NRF1: variants seen among roughly 807,000 people sequenced by gnomAD.
NRF1 encodes the protein nuclear respiratory factor 1.
Under a neutral mutation model 58.5 loss-of-function variants are expected in NRF1, and 5 were observed. That is an observed-to-expected ratio of 0.09 (90% confidence interval 0.04 to 0.18). NRF1 has a LOEUF of 0.18. NRF1 is among the 10% of genes least tolerant of loss of function. The probability of loss-of-function intolerance (pLI) is 1.00; values close to 1 mark genes in which losing one functional copy is unlikely to be tolerated. For missense variants in NRF1, 288 were observed against 657.7 expected, an observed-to-expected ratio of 0.44 and a Z score of 6.15; for synonymous variants, 224 against 246.7, an observed-to-expected ratio of 0.91 and a Z score of 0.86.
chr7:129,625,605 G>A (rs1800895006), intron 1 of NRF1, among the ~76,000 whole-genome samples: 2 of 151,144 alleles, frequency 1.3e-5, no homozygotes, highest in Non-Finnish European at 2.9e-5. Context: ...GGCTCGGGCA[G>A]TCTTCCTGTG....
chr7:129,637,252 G>GAA (rs35335362), intron 1 of NRF1, among the ~76,000 whole-genome samples: 4 of 133,300 alleles, frequency 3.0e-5, no homozygotes, highest in Non-Finnish European at 6.6e-5. Flanking sequence ...AGGCTCTGCT[G>GAA]AAAAAAAAAA....
intron 6 of NRF1, among the ~76,000 whole-genome samples, chr7:129,709,840 T>C (rs1306330889): frequency 6.6e-6 from 1 of 151,534 alleles, no homozygotes; most frequent in African/African-American, 2.4e-5. Context: ...AAGCAATTCT[T>C]CTGTCTCAGC....
intron 7 of NRF1, among the ~76,000 whole-genome samples, chr7:129,711,116 A>G (rs1403018921): frequency 1.3e-5 from 2 of 152,068 alleles, no homozygotes; most frequent in African/African-American, 4.8e-5. Context: ...TTTCACTCTC[A>G]GTGATCAGGG....
intron 1 of NRF1, among the ~76,000 whole-genome samples, chr7:129,614,568 C>T (rs763928045): frequency 1.4e-4 from 21 of 151,932 alleles, no homozygotes; most frequent in Non-Finnish European, 2.4e-4. Context: ...GCACCCACCT[C>T]AGCCTCCCCA....
chr7:129,687,276 CTT>C (rs34165257), intron 4 of NRF1, among the ~76,000 whole-genome samples: 28 of 137,712 alleles, frequency 2.0e-4, no homozygotes, highest in Admixed American at 3.0e-4. Flanking sequence ...GATGCAAGTC[CTT>C]TTTTTTTTTT....
rs191894668 is a variant in NRF1 at position 129,722,379 on chromosome 7, G to A, written c.1224-4862G>A. On this transcript the variant is annotated intron_variant, in intron 9 of 10. Coordinates refer to ENST00000393232, the MANE Select transcript of NRF1 (RefSeq NM_005011.5). ...GCACTCCAGCCTGGGCCACAAGAGC[G>A]AAACTCCGTCTCAGAAAAAAAAAAA... 5.0e-3 allele frequency among the ~76,000 whole-genome samples: 751 copies of A among 149,320 alleles called. 8 individuals carry two copies. Among genetic ancestry groups the A allele is most frequent in the African/African-American group, 0.017 (705 of 40,592 alleles).
intron 8 of NRF1, among the ~76,000 whole-genome samples, chr7:129,714,877 C>G (rs752968978): frequency 2.0e-5 from 3 of 152,134 alleles, no homozygotes; most frequent in Non-Finnish European, 4.4e-5. Context: ...CAGTAACAAG[C>G]AGGCACAAGG....
At position 129,613,758 on chromosome 7, in the gene NRF1, G is replaced by A. The variant is rs189222286; in HGVS notation, c.-7+1934G>A. Among the ~76,000 whole-genome samples the A allele has an allele frequency of 7.2e-3, 1,088 of 150,780 alleles. 15 individuals carry two copies. Among genetic ancestry groups the A allele is most frequent in the African/African-American group, 0.025 (1,036 of 40,928 alleles). On this transcript the variant is annotated intron_variant, in intron 1 of 10. Transcript: ENST00000393232. ...TGTTAAAAATACAAAAATTAGCTGGGCGTGGTGGCAGGCGCCAGTAATCCC... is the reference window on the plus strand; with the variant it reads ...TGTTAAAAATACAAAAATTAGCTGGACGTGGTGGCAGGCGCCAGTAATCCC...
At chr7:129,666,836 ATTTCACATATTGGTAGATAATCAGGTTGT>A (rs781584223) in intron 2 of NRF1, among the ~76,000 whole-genome samples, 52 of 152,102 alleles carry the variant, frequency 3.4e-4, no homozygotes, top group Non-Finnish European at 5.9e-4. Flanking sequence ...CAGCCTGAAT[ATTTCACATATTGGTAGATAATCAGGTTGT>A]TTGTAATTTT....
chr7:129,696,173 G>T (rs1471163383), intron 5 of NRF1, among the ~76,000 whole-genome samples: 1 of 151,884 alleles, frequency 6.6e-6, no homozygotes, highest in Non-Finnish European at 1.5e-5. Flanking sequence ...GAACCCAGGA[G>T]GCGGAGGTTG....
intron 5 of NRF1, among the ~76,000 whole-genome samples, chr7:129,707,277 A>G (rs1802971426): frequency 6.6e-6 from 1 of 152,228 alleles, no homozygotes; most frequent in Non-Finnish European, 1.5e-5. Flanking sequence ...TATAGGCATG[A>G]GCCACTGCAC....
chr7:129,657,427 C>G lies in NRF1; in HGVS notation c.76C>G (p.Gln26Glu). 6.2e-7 allele frequency: 1 copy of G among 1,614,062 alleles called. No individual in the cohort carries two copies. Among genetic ancestry groups the G allele is most frequent in the South Asian group, 1.1e-5 (1 of 91,078 alleles). The change falls in exon 2 of 11, where the codon CAG (glutamine) becomes GAG (glutamate). Residue 26 changes from glutamine to glutamate, a missense_variant. By Grantham distance (29) the Gln-to-Glu change is conservative (BLOSUM62 2). Coordinates refer to ENST00000393232, the MANE Select transcript of NRF1 (RefSeq NM_005011.5). ...EAHAVAQQVQ[Q>E]VHVATYTEHS... ...ACATGCAGTGGCCCAGCAAGTGCAG[C>G]AGGTCCATGTGGCTACTTACACCGA...
intron 10 of NRF1, among the ~76,000 whole-genome samples, chr7:129,731,710 A>G (rs764483673): frequency 2.0e-5 from 3 of 152,060 alleles, no homozygotes; most frequent in Non-Finnish European, 4.4e-5. Context: ...GGCTAAAGCT[A>G]TCCTCCCACC....
chr7:129,752,413 G>A (rs1053371395), intron 10 of NRF1, among the ~76,000 whole-genome samples: 12 of 152,176 alleles, frequency 7.9e-5, no homozygotes, highest in Non-Finnish European at 1.8e-4. Context: ...AGAGAGTGAG[G>A]GAGATGAGAC....
At chr7:129,712,942 G>A (rs1297072394) in intron 8 of NRF1, among the ~76,000 whole-genome samples, 1 of 152,198 alleles carries the variant, frequency 6.6e-6, no homozygotes. Flanking sequence ...GTTAGGAGAT[G>A]TGTTAGTTTT....
intron 1 of NRF1, among the ~76,000 whole-genome samples, chr7:129,637,596 A>T (rs927955371): frequency 4.6e-5 from 7 of 152,210 alleles, no homozygotes; most frequent in Non-Finnish European, 1.0e-4. Context: ...TATCTTTTGA[A>T]ATTATTTTGT....
chr7:129,753,608 A>G (rs1387678372), intron 10 of NRF1, among the ~76,000 whole-genome samples: 1 of 151,996 alleles, frequency 6.6e-6, no homozygotes, highest in Non-Finnish European at 1.5e-5. Context: ...CCTTTTTTTT[A>G]ATGTATTATC....
chr7:129,688,966 A>T (rs536086000), intron 4 of NRF1, among the ~76,000 whole-genome samples: 1 of 152,252 alleles, frequency 6.6e-6, no homozygotes. Flanking sequence ...CAGCATAAAT[A>T]CTATCTAGAC....
intron 10 of NRF1, among the ~76,000 whole-genome samples, chr7:129,731,598 ATTCC>A (rs1803579966): frequency 6.9e-6 from 1 of 145,814 alleles, no homozygotes; most frequent in Non-Finnish European, 1.5e-5. Flanking sequence ...TACCAGATTA[ATTCC>A]TTCCTTTACT....
Sources: allele counts gnomAD v4.1 joint callset (sites outside exome capture counted in the v4.1 genomes callset), GRCh38; gene constraint gnomAD v4.1.1; transcripts MANE v1.5; gene names NCBI Gene and HGNC (gene_info 2026-07-23, HGNC 2026-07-21).